The following SHANK2 variants were observed in gnomAD, a reference collection of about 807,000 sequenced individuals.
SHANK2 encodes the protein SH3 and multiple ankyrin repeat domains protein 2.
Under a neutral mutation model 133.7 loss-of-function variants are expected in SHANK2, and 43 were observed. The observed-to-expected ratio is 0.32, with a 90% confidence interval of 0.25 to 0.41. SHANK2 has a LOEUF of 0.41. Ranked by LOEUF, SHANK2 falls within the 10% of genes least tolerant of loss-of-function variation. SHANK2 has a pLI of 1.00. For missense variants in SHANK2, 1,994 were observed against 2,235.8 expected, an observed-to-expected ratio of 0.89 and a Z score of 2.18; for synonymous variants, 1,017 against 952.8, an observed-to-expected ratio of 1.07 and a Z score of -1.24.
intron 1 of SHANK2, 54 bp from the exon 2 acceptor site, chr11:71,224,850 A>T (rs1954614976): frequency 6.6e-6 from 1 of 152,218 alleles, no homozygotes; most frequent in Non-Finnish European, 1.5e-5. Flanking sequence ...GTTGAGAGGC[A>T]CATGTTAAAA....
chr11:71,234,233 G>T (rs1319090741), intron 1 of SHANK2, among the ~76,000 whole-genome samples: 3 of 136,564 alleles, frequency 2.2e-5, no homozygotes, highest in African/African-American at 5.6e-5. Flanking sequence ...GTGGTGGTGC[G>T]TGCCTGTAAT....
chr11:70,723,971 A>C (rs1029248419), intron 14 of SHANK2, among the ~76,000 whole-genome samples: 1 of 146,764 alleles, frequency 6.8e-6, no homozygotes. Flanking sequence ...AAATCCACTT[A>C]AAAAAAAAAA....
At chr11:70,922,434 A>G (rs1232389039) in intron 10 of SHANK2, among the ~76,000 whole-genome samples, 1 of 152,230 alleles carries the variant, frequency 6.6e-6, no homozygotes, top group East Asian at 1.9e-4. Flanking sequence ...AAACACAGGA[A>G]AAAAACATAG....
intron 14 of SHANK2, among the ~76,000 whole-genome samples, chr11:70,754,922 G>A (rs554679301): frequency 6.6e-5 from 10 of 152,232 alleles, no homozygotes; most frequent in African/African-American, 2.2e-4. Context: ...CGATTACAGG[G>A]AGGCACCTGG....
At chr11:71,085,731 AT>A (rs1182206007) in intron 8 of SHANK2, among the ~76,000 whole-genome samples, 1,856 of 75,400 alleles carry the variant, frequency 0.025, 31 homozygotes, top group East Asian at 0.07. Flanking sequence ...TATATAAAAT[AT>A]AATATATTAT....
At chr11:70,949,922 C>G (rs577358368) in intron 10 of SHANK2, among the ~76,000 whole-genome samples, 59 of 152,356 alleles carry the variant, frequency 3.9e-4, no homozygotes, top group African/African-American at 1.4e-3. Context: ...TGGCAGAAAT[C>G]TATGGCTCAC....
chr11:70,946,075 T>C (rs536462694), intron 10 of SHANK2, among the ~76,000 whole-genome samples: 1 of 148,046 alleles, frequency 6.8e-6, no homozygotes, highest in African/African-American at 2.5e-5. Flanking sequence ...AACCAACCCT[T>C]CTCAGGCTCA....
chr11:70,537,027 G>A (rs535336056), intron 17 of SHANK2, among the ~76,000 whole-genome samples: 1 of 152,310 alleles, frequency 6.6e-6, no homozygotes, highest in Admixed American at 6.5e-5. Context: ...CTAGAAGAGG[G>A]TTCCCCAGAT....
intron 8 of SHANK2, among the ~76,000 whole-genome samples, chr11:71,090,229 G>T (rs1951484361): frequency 7.7e-6 from 1 of 130,340 alleles, no homozygotes; most frequent in Non-Finnish European, 1.6e-5. Context: ...CATTCAGGGT[G>T]TATCAGCCAG....
chr11:70,677,434 T>C (rs1269938982), intron 15 of SHANK2, among the ~76,000 whole-genome samples: 1 of 152,164 alleles, frequency 6.6e-6, no homozygotes, highest in Admixed American at 6.5e-5. Flanking sequence ...ATTCTGAAAA[T>C]TAGCCTCGCT....
intron 25 of SHANK2, among the ~76,000 whole-genome samples, chr11:70,482,446 T>C (rs963865293): frequency 6.6e-6 from 1 of 152,206 alleles, no homozygotes; most frequent in Non-Finnish European, 1.5e-5. Context: ...GGTCATTCCT[T>C]CCAAGGCAGT....
At chr11:70,776,720 G>C (rs1412899682) in intron 14 of SHANK2, among the ~76,000 whole-genome samples, 1 of 146,098 alleles carries the variant, frequency 6.8e-6, no homozygotes, top group Non-Finnish European at 1.5e-5. Context: ...AACTGGGTGG[G>C]TCTTACTAGA....
Position 70,739,385 on chromosome 11 carries a change from A to C in SHANK2, c.1778-40622T>G, listed in dbSNP as rs1358357017. Among the ~76,000 whole-genome samples, 2 of 152,154 alleles carry C rather than the reference A, an allele frequency of 1.3e-5. No individual in the cohort carries two copies. The highest frequency in any genetic ancestry group is 6.5e-5 in the Admixed American group (1 of 15,288). On this transcript the variant is annotated intron_variant, in intron 14 of 25. Coordinates refer to ENST00000601538, the MANE Select transcript of SHANK2 (RefSeq NM_012309.5). The surrounding 1 kb of genome is among the most constrained non-coding windows in gnomAD (Gnocchi z 4.3). Reference sequence around the variant, plus strand: ...GTGGACAATGAAGACAATCGTGTGGAGCAGCTGCTGCGGTGAGGCCAGGCA... The same window carrying C: ...GTGGACAATGAAGACAATCGTGTGGCGCAGCTGCTGCGGTGAGGCCAGGCA...
intron 10 of SHANK2, among the ~76,000 whole-genome samples, chr11:70,932,143 A>G (rs1277557011): frequency 6.6e-6 from 1 of 152,216 alleles, no homozygotes; most frequent in Non-Finnish European, 1.5e-5. Flanking sequence ...TTTTGTAGAC[A>G]TCTGGTTCTG....
rs1204807657 is a variant in SHANK2 at position 71,085,572 on chromosome 11, ATAT to A, written c.912+6847_912+6849del. Among the ~76,000 whole-genome samples the A allele has an allele frequency of 9.5e-5, 6 of 62,956 alleles. No individual in the cohort carries two copies. In the East Asian group the frequency reaches 3.0e-3, roughly 32 times the overall value. 41.3% of individuals were successfully genotyped at this position (62,956 alleles called of 152,430 possible). A position where few individuals can be genotyped will look rare whatever the true frequency, so the allele number is the denominator to read the frequency against. ...TAACATATTATATTATATAAAATAT[ATAT>A]TATATAATATATTATATAATATATA... On this transcript the variant is annotated intron_variant, in intron 8 of 25. Coordinates refer to ENST00000601538, the MANE Select transcript of SHANK2 (RefSeq NM_012309.5).
chr11:70,568,598 G>T (rs916964023), intron 17 of SHANK2, among the ~76,000 whole-genome samples: 14 of 142,894 alleles, frequency 9.8e-5, no homozygotes, highest in African/African-American at 3.5e-4. Context: ...CTTCTGGGAG[G>T]ATACATCTCC....
At chr11:70,599,721 G>T (rs1399513281) in intron 17 of SHANK2, among the ~76,000 whole-genome samples, 1 of 150,540 alleles carries the variant, frequency 6.6e-6, no homozygotes, top group African/African-American at 2.5e-5. Context: ...GAACCTGGGA[G>T]GAAGAGGTTG....
At chr11:70,542,741 A>AG (rs2039113595) in intron 17 of SHANK2, among the ~76,000 whole-genome samples, 2 of 152,224 alleles carry the variant, frequency 1.3e-5, no homozygotes, top group African/African-American at 2.4e-5. Flanking sequence ...TGGTTCCCAA[A>AG]GAAGCATTTT....
chr11:71,136,216 G>T (rs1952435805), intron 3 of SHANK2, among the ~76,000 whole-genome samples: 1 of 152,160 alleles, frequency 6.6e-6, no homozygotes, highest in Non-Finnish European at 1.5e-5. Context: ...CCACCCTGGG[G>T]ATGGACCTCA....
Sources: gnomAD v4.1 joint callset for allele counts (sites outside exome capture counted in the v4.1 genomes callset) on GRCh38, gnomAD v4.1.1 for gene constraint, Gnocchi (gnomAD v3.1) non-coding constraint, MANE v1.5 for transcripts, NCBI Gene and HGNC (gene_info 2026-07-23, HGNC 2026-07-21) for gene names.